Variants in INPP5A observed in about 807,000 individuals in gnomAD.
INPP5A encodes the protein inositol polyphosphate-5-phosphatase A.
In INPP5A, 14 loss-of-function variants were observed where a neutral mutation model predicts 65.2. The observed-to-expected ratio is 0.21, with a 90% CI of 0.14 to 0.34. The LOEUF (loss-of-function observed/expected upper bound fraction) is 0.34, where lower values mean the gene tolerates loss of function less well. Among genes scored for constraint, INPP5A ranks in the 10% least tolerant of loss-of-function variants. The probability of loss-of-function intolerance (pLI) is 1.00; values close to 1 mark genes in which losing one functional copy is unlikely to be tolerated. For missense variants in INPP5A, 431 were observed against 545.6 expected, an observed-to-expected ratio of 0.79 and a Z score of 2.09; for synonymous variants, 207 against 208.3, an observed-to-expected ratio of 0.99 and a Z score of 0.05.
At chr10:132,552,732 A>G (rs1211641468) in intron 1 of INPP5A, among the ~76,000 whole-genome samples, 3 of 137,200 alleles carry the variant, frequency 2.2e-5, no homozygotes, top group Non-Finnish European at 3.1e-5. Flanking sequence ...ATTGGGTAGG[A>G]TAGGGAGGGA....
chr10:132,734,081 G>A (rs1302574098), intron 9 of INPP5A, among the ~76,000 whole-genome samples: 1 of 152,246 alleles, frequency 6.6e-6, no homozygotes, highest in Non-Finnish European at 1.5e-5. Context: ...GGCTGCGCAG[G>A]TACCTCTGGT....
chr10:132,544,360 G>A (rs1045469927), intron 1 of INPP5A, among the ~76,000 whole-genome samples: 3 of 152,246 alleles, frequency 2.0e-5, no homozygotes, highest in Admixed American at 6.5e-5. Flanking sequence ...CGGGCACAGA[G>A]GATGGGGGCG....
rs2072569426 is a variant in INPP5A, at chr10:132,650,989, G to C, written c.306+484G>C. Reference sequence around the variant, plus strand: ...CTGTTCCTCAGGGTGAGCACAGGGGGAGTGGGACAGAGCCTTCCACAGGGC... The same window carrying C: ...CTGTTCCTCAGGGTGAGCACAGGGGCAGTGGGACAGAGCCTTCCACAGGGC... On this transcript the variant is annotated intron_variant, in intron 4 of 15. Coordinates refer to ENST00000368594, the MANE Select transcript of INPP5A (RefSeq NM_005539.5). This position sits in a 1 kb window ranked among gnomAD's most constrained non-coding sequence, Gnocchi z 5.5. Among the ~76,000 whole-genome samples, 1 of 152,132 alleles carries C rather than the reference G, an allele frequency of 6.6e-6. No homozygotes were observed. Among genetic ancestry groups the C allele is most frequent in the African/African-American group, 2.4e-5 (1 of 41,438 alleles).
rs1846276017 is a variant in INPP5A at position 132,741,747 on chromosome 10, CGACG to C, written c.733-7769_733-7766del. Among the ~76,000 whole-genome samples the C allele has an allele frequency of 1.7e-5, 1 of 58,980 alleles. No homozygotes were observed. The highest frequency in any genetic ancestry group is 2.1e-4 in the Admixed American group (1 of 4,740). 38.7% of individuals were successfully genotyped at this position (58,980 alleles called of 152,430 possible). On this transcript the variant is annotated intron_variant, in intron 9 of 15. Transcript: ENST00000368594. This position sits in a 1 kb window ranked among gnomAD's most constrained non-coding sequence, Gnocchi z 4.4. ...GTGTCCGCTTGCTTTACTCAATAGC[CGACG>C]TAAACTGAGGTGGACGTCAGTGTCC...
At chr10:132,745,256 C>A (rs1489044577) in intron 9 of INPP5A, among the ~76,000 whole-genome samples, 2 of 152,154 alleles carry the variant, frequency 1.3e-5, no homozygotes, top group East Asian at 1.9e-4. Flanking sequence ...CCTGGGGACA[C>A]CTCCCCTTTG....
chr10:132,746,473 G>A (rs1044407043), intron 9 of INPP5A, among the ~76,000 whole-genome samples: 5 of 152,220 alleles, frequency 3.3e-5, no homozygotes, highest in Admixed American at 3.3e-4. Flanking sequence ...ACATCCGAAT[G>A]ACTGCGTTAT....
chr10:132,611,966 A>T (rs1287579153), intron 2 of INPP5A, among the ~76,000 whole-genome samples: 130 of 51,702 alleles, frequency 2.5e-3, no homozygotes, highest in Middle Eastern at 0.015. Flanking sequence ...GGAGGTGAGG[A>T]GGGCAGGGGA....
chr10:132,714,346 G>A (rs973400212), intron 8 of INPP5A, among the ~76,000 whole-genome samples: 8 of 152,174 alleles, frequency 5.3e-5, no homozygotes, highest in African/African-American at 7.2e-5. Flanking sequence ...CCCTTTCACC[G>A]CGGCTGCTAA....
At chr10:132,557,547 A>G (rs371841030) in intron 1 of INPP5A, among the ~76,000 whole-genome samples, 3 of 152,184 alleles carry the variant, frequency 2.0e-5, no homozygotes, top group Admixed American at 2.0e-4. Flanking sequence ...GGCCGAGTCA[A>G]TTTTTTCTTC....
intron 4 of INPP5A, among the ~76,000 whole-genome samples, chr10:132,689,973 C>G (rs902651046): frequency 2.0e-5 from 3 of 152,242 alleles, no homozygotes; most frequent in African/African-American, 7.2e-5. Context: ...CCACTCAATG[C>G]CCGGCCGGTG....
At chr10:132,743,848 G>C (rs1846321152) in intron 9 of INPP5A, among the ~76,000 whole-genome samples, 1 of 152,228 alleles carries the variant, frequency 6.6e-6, no homozygotes, top group Non-Finnish European at 1.5e-5. Flanking sequence ...CCGGCCCCGG[G>C]GCTCAGACAG....
intron 7 of INPP5A, 140 bp from the exon 8 acceptor site, chr10:132,710,185 AGACAGGTGGGTG>A: frequency 1.3e-6 from 1 of 750,320 alleles, no homozygotes; most frequent in Non-Finnish European, 2.1e-6. Flanking sequence ...CCTTGTCGGA[AGACAGGTGGGTG>A]GACAGGTGCC....
Position 132,706,369 on chromosome 10 carries a change from G to A in INPP5A, c.475-1944G>A, listed in dbSNP as rs780885750. Among the ~76,000 whole-genome samples, 28 of 152,334 alleles carry A rather than the reference G, an allele frequency of 1.8e-4. No homozygotes were observed. Among genetic ancestry groups the A allele is most frequent in the Middle Eastern group, 3.4e-3 (1 of 294 alleles). ...GGAAATTCTTAAAAATTTAATTCCC[G>A]AGCACAATTTGGATACAGAGCAGGA... On this transcript the variant is annotated intron_variant, in intron 6 of 15. Transcript: ENST00000368594. This position sits in a 1 kb window ranked among gnomAD's most constrained non-coding sequence, Gnocchi z 4.7.
intron 1 of INPP5A, among the ~76,000 whole-genome samples, chr10:132,595,841 CTTT>C (rs2071678897): frequency 6.6e-6 from 1 of 151,242 alleles, no homozygotes; most frequent in African/African-American, 2.4e-5. Context: ...TTTAGAATTA[CTTT>C]TTTAAGGACT....
intron 8 of INPP5A, among the ~76,000 whole-genome samples, chr10:132,717,785 G>A (rs1167669871): frequency 4.9e-5 from 7 of 142,456 alleles, no homozygotes; most frequent in African/African-American, 1.4e-4. Flanking sequence ...CACCTTAGAC[G>A]ACTGTCTTCA....
At position 132,708,370 on chromosome 10, in the gene INPP5A, G is replaced by A. The variant is rs766043988; in HGVS notation, c.527+5G>A. 2 of 1,613,308 alleles carry A rather than the reference G, an allele frequency of 1.2e-6. No homozygotes were observed. The highest frequency in any genetic ancestry group is 1.1e-5 in the South Asian group (1 of 91,058). On this transcript the variant is annotated splice_donor_5th_base_variant and intron_variant, in intron 7 of 15. Transcript: ENST00000368594. ...GAGGTGGTGCATTGCAGACTGGTAC[G>A]TGGTGTCTGTGCTTTGTCAATTTCC...
rs1847176485 is a variant in INPP5A, at chr10:132,782,220, C to T, written c.*191C>T. The stretch of plus-strand genomic sequence containing the variant: ...AGCCTCACATACCTCACTGTCTCGT[C>T]TGTCTATGTGACATTAAGTAGAAAT... On this transcript the variant is annotated 3_prime_UTR_variant, in exon 16 of 16. Transcript: ENST00000368594. This position sits in a 1 kb window ranked among gnomAD's most constrained non-coding sequence, Gnocchi z 4.4. 2.9e-6 allele frequency: 2 copies of T among 694,684 alleles called. No homozygotes were observed. The highest frequency in any genetic ancestry group is 4.8e-6 in the Non-Finnish European group (2 of 417,926). 43.0% of individuals were successfully genotyped at this position (694,684 alleles called of 1,614,324 possible).
At chr10:132,586,526 G>C (rs1246592484) in intron 1 of INPP5A, among the ~76,000 whole-genome samples, 2 of 152,218 alleles carry the variant, frequency 1.3e-5, no homozygotes, top group Admixed American at 1.3e-4. Context: ...CGAGTGTCTG[G>C]TGCTGCGGAA....
At chr10:132,586,985 C>G (rs1314566580) in intron 1 of INPP5A, among the ~76,000 whole-genome samples, 1 of 152,168 alleles carries the variant, frequency 6.6e-6, no homozygotes, top group African/African-American at 2.4e-5. Flanking sequence ...CTTCTGCAGA[C>G]CAATGTCATC....
Sources: allele counts gnomAD v4.1 joint callset (sites outside exome capture counted in the v4.1 genomes callset), GRCh38; gene constraint gnomAD v4.1.1; non-coding constraint Gnocchi (gnomAD v3.1); transcripts MANE v1.5; gene names NCBI Gene and HGNC (gene_info 2026-07-23, HGNC 2026-07-21).